FRMD4B: variants seen among roughly 807,000 people sequenced by gnomAD.
The protein encoded by FRMD4B is FERM domain containing 4B, also known as FERM domain-containing protein 4B.
Under a neutral mutation model 141.5 loss-of-function variants are expected in FRMD4B, and 74 were observed. The ratio of observed to expected loss-of-function variants is 0.52; its 90% CI spans 0.43 to 0.63. The LOEUF (loss-of-function observed/expected upper bound fraction) is 0.63. Among genes scored for constraint, FRMD4B ranks in the 30% least tolerant of loss-of-function variants. FRMD4B has a pLI of 0.00. For synonymous variants in FRMD4B, 506 were observed against 467.9 expected (o/e 1.08, Z -1.05); for missense variants, 1,366 against 1,253.4 (o/e 1.09, Z -1.36).
chr3:69,428,457 T>C (rs967625693), intron 2 of FRMD4B, among the ~76,000 whole-genome samples: 15 of 151,056 alleles, frequency 9.9e-5, no homozygotes, highest in African/African-American at 3.4e-4. Flanking sequence ...AATTTGTTGC[T>C]TCTTAATTTG....
chr3:69,254,595 T>G (rs1476402631), intron 5 of FRMD4B, among the ~76,000 whole-genome samples: 1 of 152,170 alleles, frequency 6.6e-6, no homozygotes, highest in Non-Finnish European at 1.5e-5. Flanking sequence ...TAGATCAGCT[T>G]CATGAGCCTC....
chr3:69,348,615 A>C (rs1703029367), intron 1 of FRMD4B, among the ~76,000 whole-genome samples: 1 of 152,232 alleles, frequency 6.6e-6, no homozygotes, highest in Non-Finnish European at 1.5e-5. Flanking sequence ...ATCCAGCAGC[A>C]CATCAAAGAT....
chr3:69,222,249 T>C (rs4428186), intron 8 of FRMD4B, among the ~76,000 whole-genome samples: 146,852 of 152,094 alleles, frequency 0.97, 71,129 homozygotes, highest in Middle Eastern at 1. Flanking sequence ...GAGGGGATCA[T>C]GAGGTCAGGA....
At chr3:69,277,809 C>T (rs945743046) in intron 5 of FRMD4B, among the ~76,000 whole-genome samples, 3 of 151,548 alleles carry the variant, frequency 2.0e-5, no homozygotes, top group Non-Finnish European at 4.4e-5. Context: ...GGATTACAGG[C>T]GTGAGCCACA....
intron 1 of FRMD4B, among the ~76,000 whole-genome samples, chr3:69,462,068 G>A (rs1444915415): frequency 6.6e-6 from 1 of 152,204 alleles, no homozygotes; most frequent in African/African-American, 2.4e-5. Flanking sequence ...CAGATGCTGA[G>A]ACAAGGAGTC....
At chr3:69,306,933 A>G (rs1218053900) in intron 3 of FRMD4B, among the ~76,000 whole-genome samples, 1 of 152,150 alleles carries the variant, frequency 6.6e-6, no homozygotes, top group African/African-American at 2.4e-5. Flanking sequence ...TACCAAAGAA[A>G]AAGAACTAGG....
At chr3:69,281,471 CATTT>C (rs2093644026) in intron 5 of FRMD4B, among the ~76,000 whole-genome samples, 3 of 152,152 alleles carry the variant, frequency 2.0e-5, no homozygotes, top group African/African-American at 4.8e-5. Flanking sequence ...AATACTCATT[CATTT>C]GTTGTGTTAG....
intron 5 of FRMD4B, among the ~76,000 whole-genome samples, chr3:69,265,227 C>T (rs1396460059): frequency 1.8e-5 from 2 of 113,926 alleles, no homozygotes; most frequent in Non-Finnish European, 3.4e-5. Flanking sequence ...TGCACTCCAG[C>T]CTGGGCAACA....
intron 1 of FRMD4B, among the ~76,000 whole-genome samples, chr3:69,368,801 G>C (rs1007574902): frequency 2.0e-5 from 3 of 152,138 alleles, no homozygotes; most frequent in Non-Finnish European, 4.4e-5. Flanking sequence ...GGGACTACAG[G>C]TACACACCAC....
In FRMD4B at chr3:69,172,130, G is replaced by C. The variant is rs377339860; in HGVS notation, c.2985-149C>G. 1.2e-5 allele frequency: 8 copies of C among 659,656 alleles called. No homozygotes were observed. In the African/African-American group the frequency reaches 1.5e-4, roughly 12 times the overall value. 40.9% of individuals were successfully genotyped at this position (659,656 alleles called of 1,614,324 possible). On this transcript the variant is annotated intron_variant, in intron 22 of 22. Transcript: ENST00000398540. Reference sequence around the variant, plus strand: ...GATAAGGGAAAGGAGAAGGGTGACTGCATGTTCTTTCAATGTCATACTGGA... The same window carrying C: ...GATAAGGGAAAGGAGAAGGGTGACTCCATGTTCTTTCAATGTCATACTGGA...
chr3:69,420,215 C>T (rs1290342871), intron 2 of FRMD4B, among the ~76,000 whole-genome samples: 2 of 145,468 alleles, frequency 1.4e-5, no homozygotes, highest in African/African-American at 5.1e-5. Context: ...GGAAAAATCT[C>T]AGAAGGGGCG....
In FRMD4B at chr3:69,184,333, A is replaced by T. The variant is rs374649759; in HGVS notation, c.1920-1616T>A. On this transcript the variant is annotated intron_variant, in intron 19 of 22. Coordinates refer to ENST00000398540, the MANE Select transcript of FRMD4B (RefSeq NM_015123.3). ...CATATTTATTTTTTAACAAAACATG[A>T]GATTTACTATATATTCTTTTTCAAC... is the stretch of plus-strand genomic sequence containing the variant. 3.9e-5 allele frequency among the ~76,000 whole-genome samples: 6 copies of T among 152,352 alleles called. No individual in the cohort carries two copies. The East Asian group carries it at 5.8e-4, about 15-fold the overall frequency.
At chr3:69,314,571 C>T (rs1006630453) in intron 1 of FRMD4B, among the ~76,000 whole-genome samples, 3 of 150,160 alleles carry the variant, frequency 2.0e-5, no homozygotes, top group African/African-American at 4.9e-5. Flanking sequence ...CAGTGGCTCA[C>T]GCCTGTAATC....
chr3:69,491,199 G>A (rs548693578), intron 1 of FRMD4B, among the ~76,000 whole-genome samples: 1 of 152,116 alleles, frequency 6.6e-6, no homozygotes, highest in Non-Finnish European at 1.5e-5. Context: ...ACAATAGGTC[G>A]AGAAGCCATG....
intron 1 of FRMD4B, among the ~76,000 whole-genome samples, chr3:69,343,234 C>T (rs943342917): frequency 1.8e-4 from 27 of 152,138 alleles, no homozygotes; most frequent in South Asian, 6.2e-4. Flanking sequence ...ATTGAAGGCA[C>T]GAGCCACTGC....
Position 69,377,688 on chromosome 3 carries a change from C to T in FRMD4B, c.162+8140G>A, listed in dbSNP as rs373727026. ...TGGGTTAATGAAGGTGGGGAGAAGACCTACCCCTCTCGTAACAACCTGGGA... is the reference window on the plus strand; with the variant it reads ...TGGGTTAATGAAGGTGGGGAGAAGATCTACCCCTCTCGTAACAACCTGGGA... On this transcript the variant is annotated intron_variant, in intron 1 of 22. Transcript: ENST00000398540. 3.9e-5 allele frequency among the ~76,000 whole-genome samples: 6 copies of T among 152,292 alleles called. No homozygotes were observed. In the South Asian group the frequency reaches 1.2e-3, roughly 32 times the overall value.
At chr3:69,540,636 A>AAAT (rs1553652109) in intron 1 of FRMD4B, among the ~76,000 whole-genome samples, 250 of 69,424 alleles carry the variant, frequency 3.6e-3, no homozygotes, top group Non-Finnish European at 4.9e-3. Flanking sequence ...AAAAAAAAAA[A>AAAT]ATATATATAT....
chr3:69,533,536 G>A (rs1419233359), intron 1 of FRMD4B, among the ~76,000 whole-genome samples: 1 of 152,234 alleles, frequency 6.6e-6, no homozygotes, highest in Non-Finnish European at 1.5e-5. Flanking sequence ...ATAAAAGGTA[G>A]CCATTATCAT....
At chr3:69,415,473 T>A (rs372844798) in intron 2 of FRMD4B, among the ~76,000 whole-genome samples, 60 of 152,172 alleles carry the variant, frequency 3.9e-4, no homozygotes, top group African/African-American at 1.4e-3. Flanking sequence ...CTTCCCCCTC[T>A]GCCCTCTAAC....
Sources: gnomAD v4.1 joint callset for allele counts (sites outside exome capture counted in the v4.1 genomes callset) on GRCh38, gnomAD v4.1.1 for gene constraint, MANE v1.5 for transcripts, NCBI Gene and HGNC (gene_info 2026-07-23, HGNC 2026-07-21) for gene names.